Variants in NPAS2 observed in about 807,000 individuals in gnomAD.
NPAS2 encodes neuronal PAS domain-containing protein 2.
Under a neutral mutation model 107.5 loss-of-function variants are expected in NPAS2, and 23 were observed. The ratio of observed to expected loss-of-function variants is 0.21; its 90% CI spans 0.15 to 0.30. The LOEUF (loss-of-function observed/expected upper bound fraction) is 0.30. NPAS2 is among the 10% of genes least tolerant of loss of function. The pLI, the probability that NPAS2 is intolerant of heterozygous loss-of-function variation, is 1.00. For synonymous variants in NPAS2, 403 were observed against 417.5 expected (o/e 0.97, Z 0.42); for missense variants, 756 against 1,043.3 (o/e 0.72, Z 3.79).
In NPAS2 at chr2:100,995,870, G is replaced by A. The variant is rs528308946; in HGVS notation, c.*288G>A. The A allele has an allele frequency of 1.4e-5, 21 of 1,488,266 alleles. No homozygotes were observed. In the East Asian group the frequency reaches 2.8e-4, roughly 20 times the overall value. The allele number at this position is 1,488,266 out of a possible 1,614,324, so 92.2% of individuals were successfully genotyped here. On this transcript the variant is annotated 3_prime_UTR_variant, in exon 21 of 21. Transcript: ENST00000335681. ...TGTAGGCATCGTCGGTCGGTTTGCC[G>A]TCAGAGATGGCGCATCTCGCTGCAT...
Position 100,912,256 on chromosome 2 carries a change from A to AT in NPAS2, c.32+7472dup, listed in dbSNP as rs3042781. On this transcript the variant is annotated intron_variant, in intron 2 of 20. Coordinates refer to ENST00000335681, the MANE Select transcript of NPAS2 (RefSeq NM_002518.4). ...TATTTATTTATTTATTTATTTATTT[A>AT]TTATTATTATTTTGCTCAGTTTATA... Among the ~76,000 whole-genome samples the AT allele has an allele frequency of 8.9e-3, 373 of 41,970 alleles. 2 individuals carry two copies. The highest frequency in any genetic ancestry group is 0.028 in the African/African-American group (315 of 11,350). 27.5% of individuals were successfully genotyped at this position (41,970 alleles called of 152,430 possible). A position where few individuals can be genotyped will look rare whatever the true frequency, so the allele number is the denominator to read the frequency against.
intron 7 of NPAS2, among the ~76,000 whole-genome samples, chr2:100,957,800 T>C (rs375485944): frequency 1.3e-5 from 2 of 152,098 alleles, no homozygotes; most frequent in East Asian, 1.9e-4. Flanking sequence ...CGATGGCAGG[T>C]GCCTGTAGTC....
Position 100,945,632 on chromosome 2 carries a change from G to A in NPAS2, c.364-2603G>A, listed in dbSNP as rs150558844. 1.4e-3 allele frequency among the ~76,000 whole-genome samples: 217 copies of A among 152,298 alleles called. 2 individuals carry two copies. The highest frequency in any genetic ancestry group is 5.1e-3 in the African/African-American group (212 of 41,572). On this transcript the variant is annotated intron_variant, in intron 5 of 20. Transcript: ENST00000335681. ...TCTCTCATCTGGGCCCTGCTTCCCT[G>A]TGCAACCTCCTCTGTCATGGCTTCT...
At chr2:100,963,501 G>A (rs1250518394) in intron 7 of NPAS2, among the ~76,000 whole-genome samples, 1 of 152,102 alleles carries the variant, frequency 6.6e-6, no homozygotes, top group Non-Finnish European at 1.5e-5. Flanking sequence ...CGCCTCCCAG[G>A]TTCAAGTGAT....
At chr2:100,966,625 G>A (rs1399926869) in intron 10 of NPAS2, among the ~76,000 whole-genome samples, 2 of 129,168 alleles carry the variant, frequency 1.5e-5, no homozygotes, top group East Asian at 2.2e-4. Context: ...ACAGATTCTC[G>A]CTCTGTCACC....
chr2:100,927,837 G>A (rs895420176), intron 3 of NPAS2, among the ~76,000 whole-genome samples: 5 of 152,170 alleles, frequency 3.3e-5, no homozygotes, highest in Non-Finnish European at 7.4e-5. Flanking sequence ...CACCCAGGAT[G>A]TTACAAAAAG....
intron 19 of NPAS2, 64 bp downstream of exon 19, chr2:100,990,936 C>G: frequency 7.3e-7 from 1 of 1,378,504 alleles, no homozygotes; most frequent in South Asian, 1.2e-5. Context: ...GCTGGCCAGA[C>G]TCACCCGCCT....
intron 2 of NPAS2, among the ~76,000 whole-genome samples, chr2:100,905,597 G>A (rs561229383): frequency 2.0e-5 from 3 of 152,214 alleles, no homozygotes; most frequent in South Asian, 2.1e-4. Flanking sequence ...GCCCAGCCAC[G>A]AGCCTTGGCA....
chr2:100,854,158 C>CAAAAAAAA (rs70943046), intron 1 of NPAS2, among the ~76,000 whole-genome samples: 1 of 59,600 alleles, frequency 1.7e-5, no homozygotes, highest in Non-Finnish European at 3.0e-5. Flanking sequence ...CCTGCCTCAA[C>CAAAAAAAA]AAAAAAAAAA....
chr2:100,821,552 T>C lies in NPAS2; in HGVS notation c.-23+1138T>C, dbSNP rs188187758. Among the ~76,000 whole-genome samples, 506 of 152,308 alleles carry C rather than the reference T, an allele frequency of 3.3e-3. 9 individuals are homozygous for C. The highest frequency in any genetic ancestry group is 0.03 in the Admixed American group (456 of 15,300). On this transcript the variant is annotated intron_variant, in intron 1 of 20. Transcript: ENST00000335681. The stretch of plus-strand genomic sequence containing the variant: ...GATCATTTAGAACCCAAACCTTATT[T>C]TCCTTAATAGAAAGGTTTTTCCTGT...
rs75120688 is a variant in NPAS2, at chr2:100,842,249, A to G, written c.-23+21835A>G. On this transcript the variant is annotated intron_variant, in intron 1 of 20. Coordinates refer to ENST00000335681, the MANE Select transcript of NPAS2 (RefSeq NM_002518.4). ...ATGAGGCTTTCTGACCCCTGGAGAT[A>G]TTTTATTTATACTTTAAAAGGTTGG... 3.5e-3 allele frequency among the ~76,000 whole-genome samples: 527 copies of G among 152,254 alleles called. 7 individuals carry two copies. The highest frequency in any genetic ancestry group is 0.012 in the African/African-American group (498 of 41,542).
At chr2:100,967,264 T>TTG (rs1361587703) in intron 10 of NPAS2, among the ~76,000 whole-genome samples, 1 of 133,592 alleles carries the variant, frequency 7.5e-6, no homozygotes, top group African/African-American at 2.9e-5. Flanking sequence ...TTTTTTTTTT[T>TTG]GAGACAGAGT....
At chr2:100,876,049 A>G (rs1679945144) in intron 1 of NPAS2, among the ~76,000 whole-genome samples, 1 of 152,120 alleles carries the variant, frequency 6.6e-6, no homozygotes, top group Non-Finnish European at 1.5e-5. Context: ...GGATCGAATT[A>G]TTTGCTTTTC....
At chr2:100,944,781 C>G (rs369442766) in intron 5 of NPAS2, among the ~76,000 whole-genome samples, 1 of 152,126 alleles carries the variant, frequency 6.6e-6, no homozygotes, top group South Asian at 2.1e-4. Flanking sequence ...CCCCTACTTG[C>G]ATCCAGCGTT....
chr2:100,940,819 C>T (rs1030417013), intron 5 of NPAS2, among the ~76,000 whole-genome samples: 12 of 152,200 alleles, frequency 7.9e-5, no homozygotes, highest in African/African-American at 2.9e-4. Context: ...CACAGTAAAG[C>T]TGAATGTTCT....
intron 1 of NPAS2, among the ~76,000 whole-genome samples, chr2:100,821,552 T>G (rs188187758): frequency 6.6e-6 from 1 of 152,192 alleles, no homozygotes; most frequent in Admixed American, 6.5e-5. Context: ...AAACCTTATT[T>G]TCCTTAATAG....
chr2:100,870,058 C>CCACGCCAG (rs1679485613), intron 1 of NPAS2, among the ~76,000 whole-genome samples: 1 of 152,032 alleles, frequency 6.6e-6, no homozygotes, highest in Non-Finnish European at 1.5e-5. Flanking sequence ...GTGTCTGCGA[C>CCACGCCAG]CACGCCAGGC....
intron 2 of NPAS2, among the ~76,000 whole-genome samples, chr2:100,914,857 G>C (rs188670635): frequency 2.6e-5 from 4 of 152,210 alleles, no homozygotes; most frequent in African/African-American, 9.6e-5. Flanking sequence ...AGCCATTTGA[G>C]GACCCTGAAG....
chr2:100,967,231 A>T (rs1676267615), intron 10 of NPAS2, among the ~76,000 whole-genome samples: 1 of 142,996 alleles, frequency 7.0e-6, no homozygotes, highest in Non-Finnish European at 1.5e-5. Flanking sequence ...TCTCCAAGTC[A>T]GTGTCCTTTT....
Sources: gnomAD v4.1 joint callset for allele counts (sites outside exome capture counted in the v4.1 genomes callset) on GRCh38, gnomAD v4.1.1 for gene constraint, MANE v1.5 for transcripts, NCBI Gene and HGNC (gene_info 2026-07-23, HGNC 2026-07-21) for gene names.